RYR2: variants seen among roughly 807,000 people sequenced by gnomAD.
RYR2 encodes the protein cardiac muscle ryanodine receptor-calcium release channel.
RYR2 carries 227 observed loss-of-function variants against 601.1 expected under a neutral mutation model. That is an observed-to-expected ratio of 0.38 (90% CI 0.34 to 0.42). RYR2 has a LOEUF of 0.42. Among genes scored for constraint, RYR2 ranks in the 10% least tolerant of loss-of-function variants. The probability of loss-of-function intolerance (pLI) is 1.00; values close to 1 mark genes in which losing one functional copy is unlikely to be tolerated. For missense variants in RYR2, 4,646 were observed against 6,156.5 expected (o/e 0.75, Z 8.21); for synonymous variants, 2,223 against 2,175.1 (o/e 1.02, Z -0.61).
intron 1 of RYR2, among the ~76,000 whole-genome samples, chr1:237,173,500 G>A (rs992704961): frequency 1.3e-5 from 2 of 152,170 alleles, no homozygotes; most frequent in African/African-American, 4.8e-5. Flanking sequence ...TCAGCTGTTT[G>A]TGATTGTTAG....
At chr1:237,613,654 C>T (rs1239980535) in intron 36 of RYR2, among the ~76,000 whole-genome samples, 2 of 152,048 alleles carry the variant, frequency 1.3e-5, no homozygotes, top group Admixed American at 6.6e-5. Context: ...TACTATGCAG[C>T]CATTAAACAT....
chr1:237,173,022 C>G (rs1013988116), intron 1 of RYR2, among the ~76,000 whole-genome samples: 1 of 152,112 alleles, frequency 6.6e-6, no homozygotes, highest in Non-Finnish European at 1.5e-5. Flanking sequence ...GCCCATTTAA[C>G]CCTTATGATA....
At chr1:237,546,619 G>A (rs554671232) in intron 25 of RYR2, among the ~76,000 whole-genome samples, 1 of 152,070 alleles carries the variant, frequency 6.6e-6, no homozygotes, top group South Asian at 2.1e-4. Flanking sequence ...GACCTCAAGC[G>A]ATCCACCTGC....
chr1:237,212,171 TA>T (rs1415420407), intron 1 of RYR2, among the ~76,000 whole-genome samples: 1 of 152,198 alleles, frequency 6.6e-6, no homozygotes. Context: ...CAGAAAATAT[TA>T]GGTTCACCCT....
At chr1:237,780,274 G>GTCTT (rs923813956) in intron 88 of RYR2, among the ~76,000 whole-genome samples, 79 of 152,298 alleles carry the variant, frequency 5.2e-4, no homozygotes, top group African/African-American at 1.8e-3. Context: ...GGAAATTCCA[G>GTCTT]TCTTTCATTT....
At chr1:237,222,923 G>A (rs1243206847) in intron 1 of RYR2, among the ~76,000 whole-genome samples, 2 of 152,000 alleles carry the variant, frequency 1.3e-5, no homozygotes, top group East Asian at 1.9e-4. Flanking sequence ...AAATTATCCC[G>A]GCATGGTGGC....
chr1:237,312,672 A>G (rs1190211254), intron 2 of RYR2, among the ~76,000 whole-genome samples: 2 of 152,244 alleles, frequency 1.3e-5, no homozygotes, highest in African/African-American at 4.8e-5. Context: ...TAGGGAGACT[A>G]TAAACTTAAA....
At chr1:237,156,389 G>A (rs1266835571) in intron 1 of RYR2, among the ~76,000 whole-genome samples, 1 of 152,112 alleles carries the variant, frequency 6.6e-6, no homozygotes, top group Non-Finnish European at 1.5e-5. Flanking sequence ...ACTCAAACAT[G>A]TTACACTTAC....
chr1:237,541,194 A>T (rs1669222483), intron 25 of RYR2, among the ~76,000 whole-genome samples: 1 of 152,216 alleles, frequency 6.6e-6, no homozygotes, highest in African/African-American at 2.4e-5. Context: ...CCAGAAATTT[A>T]AAAATGCACC....
At chr1:237,774,025 GTGTT>G (rs760262279) in intron 87 of RYR2, among the ~76,000 whole-genome samples, 3 of 152,184 alleles carry the variant, frequency 2.0e-5, no homozygotes, top group Non-Finnish European at 4.4e-5. Context: ...AAAGAGAAGA[GTGTT>G]TGAAAACATC....
chr1:237,058,087 A>G (rs2148213552), intron 1 of RYR2, among the ~76,000 whole-genome samples: 1 of 152,340 alleles, frequency 6.6e-6, no homozygotes, highest in South Asian at 2.1e-4. Flanking sequence ...GACAAATGGG[A>G]GAAGCTGATA....
chr1:237,255,821 G>A (rs1026843940), intron 1 of RYR2, among the ~76,000 whole-genome samples: 5 of 147,982 alleles, frequency 3.4e-5, no homozygotes, highest in Non-Finnish European at 7.4e-5. Flanking sequence ...TGTTCTAGTT[G>A]TGCTGCTTGC....
At chr1:237,423,716 C>A (rs1262825696) in intron 12 of RYR2, among the ~76,000 whole-genome samples, 1 of 152,166 alleles carries the variant, frequency 6.6e-6, no homozygotes, top group African/African-American at 2.4e-5. Flanking sequence ...GAGGATAAAG[C>A]ACACTGGAAT....
At chr1:237,452,246 TGTATA>T (rs1171004343) in intron 14 of RYR2, among the ~76,000 whole-genome samples, 29 of 145,898 alleles carry the variant, frequency 2.0e-4, no homozygotes, top group Admixed American at 4.9e-4. Context: ...TATATTATAA[TGTATA>T]GTATAGTATA....
At position 237,441,351 on chromosome 1, in the gene RYR2, A is replaced by G. The variant is rs796573345; in HGVS notation, c.1038A>G (p.Val346=). 15 of 1,613,694 alleles carry G rather than the reference A, an allele frequency of 9.3e-6. No individual in the cohort carries two copies. The highest frequency in any genetic ancestry group is 2.7e-5 in the African/African-American group (2 of 74,930). ...TGGATGTAGGGGTGAGAAAAGAAGT[A>G]GATGGCATGGGAACATCTGAAATAA... ...EKLDVGVRKE[V]DGMGTSEIKY... Residue 346 remains valine, a synonymous_variant, in exon 13 of 105, where the codon GTA becomes GTG. Transcript: ENST00000366574.
chr1:237,068,488 T>C (rs1249466793), intron 1 of RYR2, among the ~76,000 whole-genome samples: 1 of 152,172 alleles, frequency 6.6e-6, no homozygotes, highest in Non-Finnish European at 1.5e-5. Context: ...ACGTGGCCAT[T>C]TGTGTAAATA....
chr1:237,297,814 A>G (rs541748435), intron 2 of RYR2, among the ~76,000 whole-genome samples: 2 of 151,838 alleles, frequency 1.3e-5, no homozygotes, highest in Admixed American at 1.3e-4. Context: ...GCAGTAGTGC[A>G]ATTATAGCTC....
rs6143694 is a variant in RYR2 at position 237,760,814 on chromosome 1, C to CAATGAATGGAGACATGT, written c.11403-140_11403-124dup. 0.35 allele frequency: 212,121 copies of CAATGAATGGAGACATGT among 609,426 alleles called. 40,062 individuals are homozygous for CAATGAATGGAGACATGT. The highest frequency in any genetic ancestry group is 0.38 in the Non-Finnish European group (131,341 of 341,228). 37.8% of individuals were successfully genotyped at this position (609,426 alleles called of 1,614,324 possible). A position where few individuals can be genotyped will look rare whatever the true frequency, so the allele number is the denominator to read the frequency against. ...CCACTAAGAAAATACGGTTGGTACGCAATGAATGGAGACATGTTTTCAGTG... is the reference window on the plus strand; with the variant it reads ...CCACTAAGAAAATACGGTTGGTACGCAATGAATGGAGACATGTAATGAATGGAGACATGTTTTCAGTG... On this transcript the variant is annotated intron_variant, in intron 83 of 104. Coordinates refer to ENST00000366574, the MANE Select transcript of RYR2 (RefSeq NM_001035.3).
intron 87 of RYR2, among the ~76,000 whole-genome samples, chr1:237,777,005 A>G (rs1291272236): frequency 6.6e-6 from 1 of 152,174 alleles, no homozygotes; most frequent in East Asian, 1.9e-4. Context: ...TATAAGAAAC[A>G]CATCTTTCTT....
Sources: gnomAD v4.1 joint callset for allele counts (sites outside exome capture counted in the v4.1 genomes callset) on GRCh38, gnomAD v4.1.1 for gene constraint, MANE v1.5 for transcripts, NCBI Gene and HGNC (gene_info 2026-07-23, HGNC 2026-07-21) for gene names.